Variants in HES7 observed in about 807,000 individuals in gnomAD.
HES7 encodes transcription factor HES-7.
In HES7, 8 loss-of-function variants were observed where a neutral mutation model predicts 18.0. The observed-to-expected ratio is 0.45, with a 90% CI of 0.26 to 0.80. The LOEUF is 0.80. HES7 is among the 30% of genes least tolerant of loss of function. The pLI, the probability that HES7 is intolerant of heterozygous loss-of-function variation, is 0.18. For missense variants in HES7, 356 were observed against 340.9 expected (o/e 1.04, Z -0.35); for synonymous variants, 170 against 158.6 (o/e 1.07, Z -0.54).
rs61758318 is a variant in HES7, at chr17:8,122,326, C to T, written c.226+17G>A. 576 of 1,564,174 alleles carry T rather than the reference C, an allele frequency of 3.7e-4. No individual in the cohort carries two copies. The highest frequency in any genetic ancestry group is 4.8e-4 in the Non-Finnish European group (555 of 1,152,134). ...GTCCCCCCTCCCTCCCTCCGCTGCC[C>T]CACCCCCGCGCTGTACCCGGGGGCT... is the stretch of plus-strand genomic sequence containing the variant. On this transcript the variant is annotated intron_variant, in intron 3 of 3. Coordinates refer to ENST00000541682, the MANE Select transcript of HES7 (RefSeq NM_001165967.2). The surrounding 1 kb of genome is among the most constrained non-coding windows in gnomAD (Gnocchi z 6.9).
rs1415857424 is a variant in HES7 at position 8,121,745 on chromosome 17, G to T, written c.519C>A (p.His173Gln). The change falls in exon 4 of 4, where the codon CAC (histidine) becomes CAA (glutamine). Residue 173 changes from histidine (H) to glutamine (Q), a missense_variant. Transcript: ENST00000541682. Reference protein sequence around the residue: ...LHQRPPVHQGHPSPRCAWSPS... With the variant: ...LHQRPPVHQGQPSPRCAWSPS... ...GGGACCATGCGCAGCGCGGGCTAGGGTGGCCCTGGTGCACTGGGGGGCGCT... is the reference window on the plus strand; with the variant it reads ...GGGACCATGCGCAGCGCGGGCTAGGTTGGCCCTGGTGCACTGGGGGGCGCT... 1.2e-5 allele frequency: 17 copies of T among 1,467,814 alleles called. No homozygotes were observed. The highest frequency in any genetic ancestry group is 1.5e-5 in the Non-Finnish European group (17 of 1,122,194). The allele number at this position is 1,467,814 out of a possible 1,614,324, so 90.9% of individuals were successfully genotyped here. A position where few individuals can be genotyped will look rare whatever the true frequency, so the allele number is the denominator to read the frequency against.
chr17:8,121,926 T>C lies in HES7; in HGVS notation c.338A>G (p.His113Arg). The C allele has an allele frequency of 1.9e-6, 3 of 1,563,526 alleles. No individual in the cohort carries two copies. The highest frequency in any genetic ancestry group is 2.6e-6 in the Non-Finnish European group (3 of 1,165,772). ...ECLLRLAAFAHDASPAARAQL... is the reference protein window; with the variant it reads ...ECLLRLAAFARDASPAARAQL... The stretch of plus-strand genomic sequence containing the variant: ...GGCGCGGGCGGCCGGGCTGGCGTCG[T>C]GCGCGAAGGCCGCCAAGCGAAGCAG... Residue 113 changes from histidine (H) to arginine (R), a missense_variant, in exon 4 of 4, where the codon CAC (histidine) becomes CGC (arginine). Coordinates refer to ENST00000541682, the MANE Select transcript of HES7 (RefSeq NM_001165967.2).
chr17:8,125,237 C>T (rs1452462909), upstream of HES7, among the ~76,000 whole-genome samples: 1 of 152,132 alleles, frequency 6.6e-6, no homozygotes, highest in Non-Finnish European at 1.5e-5. Flanking sequence ...CAGACCGAGA[C>T]GGAAGACAGC....
chr17:8,125,729 C>CA (rs1440208640), upstream of HES7, among the ~76,000 whole-genome samples: 5 of 152,338 alleles, frequency 3.3e-5, no homozygotes, highest in African/African-American at 7.2e-5. Flanking sequence ...AGGATCCCCG[C>CA]AGAATCTTTA....
At position 8,120,910 on chromosome 17, in the gene HES7, C is replaced by G. The variant is rs1013369865; in HGVS notation, c.*661G>C. 6.5e-6 allele frequency: 1 copy of G among 152,692 alleles called. No individual in the cohort carries two copies. The highest frequency in any genetic ancestry group is 2.4e-5 in the African/African-American group (1 of 41,442). 9.5% of individuals were successfully genotyped at this position (152,692 alleles called of 1,614,324 possible). A position where few individuals can be genotyped will look rare whatever the true frequency, so the allele number is the denominator to read the frequency against. On this transcript the variant is annotated 3_prime_UTR_variant, in exon 4 of 4. Coordinates refer to ENST00000541682, the MANE Select transcript of HES7 (RefSeq NM_001165967.2). ...CTAGTACCCGTAAGCTACAAGACGC[C>G]GCCGTTCGTCGGGTGGCTCTGTGGC...
upstream of HES7, among the ~76,000 whole-genome samples, chr17:8,124,738 G>A (rs949846281): frequency 6.6e-6 from 1 of 152,208 alleles, no homozygotes; most frequent in Non-Finnish European, 1.5e-5. Context: ...TATCCCTGCA[G>A]GATCTAATGG....
chr17:8,120,954 G>GT lies in HES7; in HGVS notation c.*616_*617insA, dbSNP rs1278822667. The GT allele has an allele frequency of 6.5e-6, 1 of 152,696 alleles. No homozygotes were observed. The highest frequency in any genetic ancestry group is 1.5e-5 in the Non-Finnish European group (1 of 68,058). The allele number at this position is 152,696 out of a possible 1,614,324, so 9.5% of individuals were successfully genotyped here. A position where few individuals can be genotyped will look rare whatever the true frequency, so the allele number is the denominator to read the frequency against. On this transcript the variant is annotated 3_prime_UTR_variant, in exon 4 of 4. Transcript: ENST00000541682. The stretch of plus-strand genomic sequence containing the variant: ...CTGTGGCGCAATGGATAGCGCATTG[G>GT]ACTTCTAGTGACGAATAGAGCAATT...
rs754096865 is a variant in HES7 at position 8,121,846 on chromosome 17, G to A, written c.418C>T (p.Pro140Ser). The A allele has an allele frequency of 1.9e-6, 3 of 1,572,636 alleles. No homozygotes were observed. The highest frequency in any genetic ancestry group is 4.8e-5 in the East Asian group (2 of 41,726). The part of the protein sequence containing the change: ...YLRPKPPRPK[P>S]VDPRPPAPRP... ...GGCGCTGGAGGCCTCGGATCTACCG[G>A]CTTGGGCCGGGGCGGTTTGGGGCGC... The change falls in exon 4 of 4, where the codon CCG (proline) becomes TCG (serine). Residue 140 changes from proline (P) to serine (S), a missense_variant. Transcript: ENST00000541682.
upstream of HES7, among the ~76,000 whole-genome samples, chr17:8,124,931 T>C (rs1015605571): frequency 2.0e-5 from 3 of 152,136 alleles, no homozygotes; most frequent in African/African-American, 7.2e-5. Context: ...GATTCAAAAC[T>C]AGTCATAGGA....
rs1981470952 is a variant in HES7 at position 8,123,507 on chromosome 17, T to G, written c.43-381A>C. 1 of 350,386 alleles carries G rather than the reference T, an allele frequency of 2.9e-6. No homozygotes were observed. 21.7% of individuals were successfully genotyped at this position (350,386 alleles called of 1,614,324 possible). ...GTGCCGGGCTCAGACCTGGCGGCCC[T>G]GAGTATAGAAAGGGAGATACCTAGC... On this transcript the variant is annotated intron_variant, in intron 1 of 3. Coordinates refer to ENST00000541682, the MANE Select transcript of HES7 (RefSeq NM_001165967.2). This position sits in a 1 kb window ranked among gnomAD's most constrained non-coding sequence, Gnocchi z 5.9.
At position 8,120,955 on chromosome 17, in the gene HES7, A is replaced by C. The variant is rs755082518; in HGVS notation, c.*616T>G. ...TGTGGCGCAATGGATAGCGCATTGG[A>C]CTTCTAGTGACGAATAGAGCAATTC... is the stretch of plus-strand genomic sequence containing the variant. On this transcript the variant is annotated 3_prime_UTR_variant, in exon 4 of 4. Coordinates refer to ENST00000541682, the MANE Select transcript of HES7 (RefSeq NM_001165967.2). 5 of 152,684 alleles carry C rather than the reference A, an allele frequency of 3.3e-5. No homozygotes were observed. Among genetic ancestry groups the C allele is most frequent in the Non-Finnish European group, 5.9e-5 (4 of 68,052 alleles). The allele number at this position is 152,684 out of a possible 1,614,324, so 9.5% of individuals were successfully genotyped here.
upstream of HES7, among the ~76,000 whole-genome samples, chr17:8,125,610 C>G (rs1598234881): frequency 6.6e-6 from 1 of 152,144 alleles, no homozygotes; most frequent in South Asian, 2.1e-4. Context: ...CGGATCCGGA[C>G]GAGAGGAAGG....
At chr17:8,124,229 G>C, upstream of HES7, 1 of 955,096 alleles carries the variant, frequency 1.0e-6, no homozygotes, top group East Asian at 2.6e-5. Flanking sequence ...GAGGCTCCCG[G>C]AAAGAGGAGG....
Position 8,122,947 on chromosome 17 carries a change from C to A in HES7, c.138+84G>T, listed in dbSNP as rs1457755808. ...ATGCCTTGGGGCCAGGGTTGCCAAC[C>A]AAGCTTGTGTCCCCACCCCAGTGGG... On this transcript the variant is annotated intron_variant, in intron 2 of 3. Coordinates refer to ENST00000541682, the MANE Select transcript of HES7 (RefSeq NM_001165967.2). The surrounding 1 kb of genome is among the most constrained non-coding windows in gnomAD (Gnocchi z 6.9). The A allele has an allele frequency of 1.0e-5, 12 of 1,156,230 alleles. No homozygotes were observed. In the Admixed American group the frequency reaches 2.4e-4, roughly 23 times the overall value. The allele number at this position is 1,156,230 out of a possible 1,614,324, so 71.6% of individuals were successfully genotyped here. A position where few individuals can be genotyped will look rare whatever the true frequency, so the allele number is the denominator to read the frequency against.
upstream of HES7, among the ~76,000 whole-genome samples, chr17:8,125,974 C>A (rs1225953781): frequency 2.0e-5 from 3 of 152,226 alleles, no homozygotes; most frequent in Admixed American, 1.3e-4. Flanking sequence ...TCCGCACGCC[C>A]TCGCACTCCC....
chr17:8,122,543 AT>A lies in HES7; in HGVS notation c.139-114del. ...GGGAGCTGGTGGTGCCCCCGATCGC[AT>A]TTGCGCACTGCCCACAGAACGCGCG... On this transcript the variant is annotated intron_variant, in intron 2 of 3. Transcript: ENST00000541682. The surrounding 1 kb of genome is among the most constrained non-coding windows in gnomAD (Gnocchi z 6.9). 1 of 759,982 alleles carries A rather than the reference AT, an allele frequency of 1.3e-6. No individual in the cohort carries two copies. The highest frequency in any genetic ancestry group is 2.3e-6 in the Non-Finnish European group (1 of 441,106). 47.1% of individuals were successfully genotyped at this position (759,982 alleles called of 1,614,324 possible).
Position 8,121,204 on chromosome 17 carries a change from G to A in HES7, c.*367C>T, listed in dbSNP as rs1981299904. ...CAGGACTGAGGGTGGGAGACAGAAG[G>A]GAAGGGAAAGTGGGCGTGGACGTCG... On this transcript the variant is annotated 3_prime_UTR_variant, in exon 4 of 4. Coordinates refer to ENST00000541682, the MANE Select transcript of HES7 (RefSeq NM_001165967.2). 1 of 185,518 alleles carries A rather than the reference G, an allele frequency of 5.4e-6. No individual in the cohort carries two copies. Among genetic ancestry groups the A allele is most frequent in the Admixed American group, 6.2e-5 (1 of 16,088 alleles). 11.5% of individuals were successfully genotyped at this position (185,518 alleles called of 1,614,324 possible).
At chr17:8,125,756 T>G (rs1196037129), upstream of HES7, among the ~76,000 whole-genome samples, 2 of 152,178 alleles carry the variant, frequency 1.3e-5, no homozygotes, top group African/African-American at 4.8e-5. Context: ...GCATTGGTGG[T>G]TCAGTGGTAG....
chr17:8,125,493 C>G (rs956873026), upstream of HES7, among the ~76,000 whole-genome samples: 1 of 152,198 alleles, frequency 6.6e-6, no homozygotes, highest in African/African-American at 2.4e-5. Flanking sequence ...AACCTGGGCT[C>G]GGGCTGAATT....
Sources: allele counts gnomAD v4.1 joint callset (sites outside exome capture counted in the v4.1 genomes callset), GRCh38; gene constraint gnomAD v4.1.1; non-coding constraint Gnocchi (gnomAD v3.1); transcripts MANE v1.5; gene names NCBI Gene and HGNC (gene_info 2026-07-23, HGNC 2026-07-21).